Variants in SYNE1 observed in about 807,000 individuals in gnomAD.
SYNE1 encodes the protein nesprin-1.
SYNE1 carries 616 observed loss-of-function variants against 1,111.0 expected under a neutral mutation model. The ratio of observed to expected loss-of-function variants is 0.55; its 90% CI spans 0.52 to 0.59. SYNE1 has a LOEUF of 0.59. Among genes scored for constraint, SYNE1 ranks in the 20% least tolerant of loss-of-function variants. The pLI is 0.00. For missense variants in SYNE1, 10,006 were observed against 10,417.0 expected, an observed-to-expected ratio of 0.96 and a Z score of 1.72; for synonymous variants, 3,855 against 3,825.8, an observed-to-expected ratio of 1.01 and a Z score of -0.28.
chr6:152,607,454 G>A (rs961457962), intron 3 of SYNE1, among the ~76,000 whole-genome samples: 3 of 151,808 alleles, frequency 2.0e-5, no homozygotes, highest in Non-Finnish European at 2.9e-5. Context: ...CCAACATCAC[G>A]GATCATTAGA....
At chr6:152,553,636 G>C (rs2099355338) in intron 3 of SYNE1, among the ~76,000 whole-genome samples, 1 of 152,058 alleles carries the variant, frequency 6.6e-6, no homozygotes, top group South Asian at 2.1e-4. Context: ...ACTACTACTT[G>C]AGCCTCCTCA....
At chr6:152,275,478 T>C (rs2093551311) in intron 98 of SYNE1, among the ~76,000 whole-genome samples, 1 of 152,214 alleles carries the variant, frequency 6.6e-6, no homozygotes. Flanking sequence ...ATCAAATTCC[T>C]TTACATACCA....
Position 152,331,019 on chromosome 6 carries a change from C to T in SYNE1, c.13666G>A (p.Glu4556Lys), listed in dbSNP as rs769284492. ...CTAGAAACCAAATTCTTCTCTAGTT[C>T]TTGTAACCGGTGACTGCACTTTTGT... ...VLQKCSHRLQ[E>K]LEKNLVSRKH... The change falls in exon 78 of 146, where the codon GAA becomes AAA. Residue 4556 changes from glutamate to lysine, a missense_variant. Glu to Lys is a moderately conservative substitution (Grantham distance 56). Coordinates refer to ENST00000367255, the MANE Select transcript of SYNE1 (RefSeq NM_182961.4). 32 of 1,614,012 alleles carry T rather than the reference C, an allele frequency of 2.0e-5. No individual in the cohort carries two copies. The highest frequency in any genetic ancestry group is 2.5e-5 in the Non-Finnish European group (30 of 1,180,044).
rs528037515 is a variant in SYNE1 at position 152,193,443 on chromosome 6, G to A, written c.23146-4036C>T. Among the ~76,000 whole-genome samples, 12 of 152,022 alleles carry A rather than the reference G, an allele frequency of 7.9e-5. No homozygotes were observed. The South Asian group carries it at 2.5e-3, about 32-fold the overall frequency. ...AGCAATTCTCATGCTTCAGCCTCCC[G>A]AGTAGCAGGGACTACAGGCACACGC... On this transcript the variant is annotated intron_variant, in intron 127 of 145. Coordinates refer to ENST00000367255, the MANE Select transcript of SYNE1 (RefSeq NM_182961.4).
At chr6:152,185,501 C>T (rs1410150707) in intron 128 of SYNE1, 4 of 152,208 alleles carry the variant, frequency 2.6e-5, no homozygotes, top group Non-Finnish European at 5.9e-5. Flanking sequence ...AGAAACTAAT[C>T]TATATCCTCC....
Position 152,398,609 on chromosome 6 carries a change from G to C in SYNE1, c.7350+10C>G. The C allele has an allele frequency of 6.2e-7, 1 of 1,610,306 alleles. No individual in the cohort carries two copies. The highest frequency in any genetic ancestry group is 8.5e-7 in the Non-Finnish European group (1 of 1,176,608). On this transcript the variant is annotated intron_variant, in intron 49 of 145. Coordinates refer to ENST00000367255, the MANE Select transcript of SYNE1 (RefSeq NM_182961.4). ...TTGGGGAAGAAGGAAAAGGATGTCA[G>C]CTTCTATACCTGAAGATCATGGAGC...
At position 152,456,604 on chromosome 6, in the gene SYNE1, G is replaced by T. The variant is rs181775428; in HGVS notation, c.2569-560C>A. On this transcript the variant is annotated intron_variant, in intron 22 of 145. Coordinates refer to ENST00000367255, the MANE Select transcript of SYNE1 (RefSeq NM_182961.4). ...TCCTAATAAAAAAAGGCAGCAGACC[G>T]ATGCACTTGGGGAAGACTTGCAACT... 1.8e-5 allele frequency: 6 copies of T among 335,812 alleles called. No individual in the cohort carries two copies. The East Asian group carries it at 5.2e-4, about 29-fold the overall frequency. 20.8% of individuals were successfully genotyped at this position (335,812 alleles called of 1,614,324 possible).
chr6:152,339,470 C>T (rs2096484494), intron 74 of SYNE1, 104 bp from the exon 75 acceptor site: 2 of 1,500,482 alleles, frequency 1.3e-6, no homozygotes, highest in Admixed American at 1.8e-5. Context: ...AATAGTCTTG[C>T]TATGCTCAGT....
rs2306914 is a variant in SYNE1 at position 152,318,975 on chromosome 6, G to A, written c.16277C>T (p.Thr5426Met). 53,471 of 1,614,120 alleles carry A rather than the reference G, an allele frequency of 0.033. 1,416 individuals are homozygous for A. The highest frequency in any genetic ancestry group is 0.15 in the East Asian group (6,938 of 44,882). ...AATTTGCCGGCTGAGTTCCTGGCTC[G>A]TGGCCTTGCTCTGCTCAACTTCTTT... Reference protein sequence around the residue: ...KIKEVEQSKATSQELSRQIQK... With the variant: ...KIKEVEQSKAMSQELSRQIQK... Residue 5426 changes from threonine (T) to methionine (M), a missense_variant, in exon 85 of 146, where the codon ACG becomes ATG. Coordinates refer to ENST00000367255, the MANE Select transcript of SYNE1 (RefSeq NM_182961.4).
rs762669108 is a variant in SYNE1 at position 152,458,975 on chromosome 6, G to A, written c.2395-45C>T. The stretch of plus-strand genomic sequence containing the variant: ...AAAATTCCATGAAAGACCATTAAGT[G>A]CCACTAGCTCAGGGAACGTTCATAG... On this transcript the variant is annotated intron_variant, in intron 21 of 145. Transcript: ENST00000367255. The A allele has an allele frequency of 7.6e-6, 12 of 1,568,652 alleles. No individual in the cohort carries two copies. In the East Asian group the frequency reaches 2.7e-4, roughly 35 times the overall value.
chr6:152,536,448 T>G (rs1384825163), intron 4 of SYNE1, among the ~76,000 whole-genome samples: 1 of 138,354 alleles, frequency 7.2e-6, no homozygotes, highest in African/African-American at 2.7e-5. Flanking sequence ...TATATAGTAA[T>G]ATATATTTAT....
At chr6:152,277,986 G>C (rs1476747499) in intron 98 of SYNE1, 103 bp downstream of exon 98, 1 of 1,226,186 alleles carries the variant, frequency 8.2e-7, no homozygotes, top group Non-Finnish European at 1.2e-6. Flanking sequence ...ACACACACAA[G>C]TACGCGTCAC....
chr6:152,284,610 A>ATT (rs760978831), intron 95 of SYNE1, among the ~76,000 whole-genome samples: 151 of 108,132 alleles, frequency 1.4e-3, no homozygotes, highest in African/African-American at 3.3e-3. Context: ...ACACCTGGTA[A>ATT]TTTTTTTTTT....
intron 89 of SYNE1, 82 bp from the exon 90 acceptor site, chr6:152,310,099 G>A (rs778897181): frequency 1.5e-5 from 22 of 1,457,886 alleles, no homozygotes; most frequent in Admixed American, 6.2e-5. Context: ...TTATAGTTAC[G>A]TTGCAAGTTA....
chr6:152,312,151 C>T (rs888403671), intron 87 of SYNE1, among the ~76,000 whole-genome samples: 1 of 151,244 alleles, frequency 6.6e-6, no homozygotes, highest in Non-Finnish European at 1.5e-5. Flanking sequence ...ATATATTTAA[C>T]AGATAAATAT....
At position 152,321,799 on chromosome 6, in the gene SYNE1, C is replaced by A; in HGVS notation, c.16005G>T (p.Val5335=). Residue 5335 remains valine (V), a synonymous_variant, in exon 83 of 146, where the codon GTG becomes GTT. Coordinates refer to ENST00000367255, the MANE Select transcript of SYNE1 (RefSeq NM_182961.4). The stretch of plus-strand genomic sequence containing the variant: ...CTTTCGTTTCCTGAACCCAACATTT[C>A]ACAGAATTGATCTGAGTCTCCACCA... The part of the protein sequence containing the change: ...REMVETQINS[V]KCWVQETKEY... The A allele has an allele frequency of 6.2e-7, 1 of 1,614,018 alleles. No individual in the cohort carries two copies. The highest frequency in any genetic ancestry group is 8.5e-7 in the Non-Finnish European group (1 of 1,179,966).
At chr6:152,534,237 G>A (rs970270315) in intron 4 of SYNE1, among the ~76,000 whole-genome samples, 1 of 151,980 alleles carries the variant, frequency 6.6e-6, no homozygotes, top group Non-Finnish European at 1.5e-5. Context: ...TATTTCTAAA[G>A]AAGGAACTTT....
chr6:152,535,575 T>C (rs1306230746), intron 4 of SYNE1, among the ~76,000 whole-genome samples: 1 of 152,184 alleles, frequency 6.6e-6, no homozygotes, highest in Non-Finnish European at 1.5e-5. Flanking sequence ...AAGCAATCTA[T>C]TTATCTCACA....
chr6:152,536,364 A>ATATATATAGTAATATATATATATAAC (rs2099237885), intron 4 of SYNE1, among the ~76,000 whole-genome samples: 1 of 88,052 alleles, frequency 1.1e-5, no homozygotes, highest in African/African-American at 4.4e-5. Context: ...TAGTATACTA[A>ATATATATAGTAATATATATATATAAC]TATATATATA....
Sources: allele counts gnomAD v4.1 joint callset (sites outside exome capture counted in the v4.1 genomes callset), GRCh38; gene constraint gnomAD v4.1.1; transcripts MANE v1.5; gene names NCBI Gene and HGNC (gene_info 2026-07-23, HGNC 2026-07-21).